LRP1B: variants seen among roughly 807,000 people sequenced by gnomAD.
LRP1B encodes LDL receptor related protein 1B, also known as low-density lipoprotein receptor-related protein 1B.
In LRP1B, 217 loss-of-function variants were observed where a neutral mutation model predicts 556.6. The observed-to-expected ratio is 0.39, with a 90% CI of 0.35 to 0.44. LRP1B has a LOEUF of 0.44. Ranked by LOEUF, LRP1B falls within the 20% of genes least tolerant of loss-of-function variation. LRP1B has a pLI of 1.00. For missense variants in LRP1B, 5,053 were observed against 5,620.8 expected (o/e 0.90, Z 3.23); for synonymous variants, 2,047 against 1,865.8 (o/e 1.10, Z -2.50).
intron 32 of LRP1B, among the ~76,000 whole-genome samples, chr2:140,808,734 G>A (rs1573746927): frequency 2.6e-5 from 4 of 152,294 alleles, no homozygotes; most frequent in Admixed American, 1.3e-4. Flanking sequence ...AATGGCAATA[G>A]ATATTTATTG....
chr2:140,761,399 C>G (rs1174280829), intron 35 of LRP1B, among the ~76,000 whole-genome samples: 1 of 152,182 alleles, frequency 6.6e-6, no homozygotes, highest in African/African-American at 2.4e-5. Context: ...GGTATTCACT[C>G]CTTCTCTAGT....
rs189933937 is a variant in LRP1B, at chr2:140,405,726, G to C, written c.10415-19717C>G. ...GTAATAAAATTGCCAACAGCAAAAA[G>C]CCCAGAACCAGATGGATTCACAGCT... On this transcript the variant is annotated intron_variant, in intron 66 of 90. Coordinates refer to ENST00000389484, the MANE Select transcript of LRP1B (RefSeq NM_018557.3). Among the ~76,000 whole-genome samples the C allele has an allele frequency of 2.3e-3, 352 of 152,208 alleles. 3 individuals are homozygous for C. Among genetic ancestry groups the C allele is most frequent in the African/African-American group, 8.1e-3 (336 of 41,540 alleles).
At chr2:141,273,192 C>G (rs1309626644) in intron 3 of LRP1B, among the ~76,000 whole-genome samples, 1 of 151,964 alleles carries the variant, frequency 6.6e-6, no homozygotes, top group Non-Finnish European at 1.5e-5. Context: ...GCCTGTACTC[C>G]CAGCTACTTG....
intron 41 of LRP1B, among the ~76,000 whole-genome samples, chr2:140,662,581 T>C (rs1159501462): frequency 6.6e-6 from 1 of 152,172 alleles, no homozygotes; most frequent in East Asian, 1.9e-4. Flanking sequence ...TTCCTGTTGA[T>C]ATTATTGAAA....
intron 54 of LRP1B, among the ~76,000 whole-genome samples, chr2:140,502,280 T>C (rs1388574881): frequency 6.6e-6 from 1 of 152,016 alleles, no homozygotes; most frequent in Non-Finnish European, 1.5e-5. Flanking sequence ...TAGATATTCC[T>C]AAATTCTTTT....
At chr2:141,371,090 T>C (rs886565277) in intron 3 of LRP1B, among the ~76,000 whole-genome samples, 2 of 152,130 alleles carry the variant, frequency 1.3e-5, no homozygotes, top group South Asian at 4.1e-4. Context: ...TTCAAGTGAT[T>C]CTCCTACCTC....
chr2:141,700,918 C>T (rs1191036846), intron 2 of LRP1B, among the ~76,000 whole-genome samples: 1 of 151,840 alleles, frequency 6.6e-6, no homozygotes, highest in African/African-American at 2.4e-5. Context: ...AAATTTCCTT[C>T]TGATGTCCCC....
chr2:141,890,381 TACA>T lies in LRP1B; in HGVS notation c.83-79983_83-79981del, dbSNP rs1558942915. The stretch of plus-strand genomic sequence containing the variant: ...TGTGCATATATATATATAGTGTGTA[TACA>T]TATATAGTGTATATATATATATATA... On this transcript the variant is annotated intron_variant, in intron 1 of 90. Transcript: ENST00000389484. Among the ~76,000 whole-genome samples the T allele has an allele frequency of 1.0e-3, 53 of 52,794 alleles. 2 individuals carry two copies. Among genetic ancestry groups the T allele is most frequent in the African/African-American group, 2.7e-3 (49 of 18,186 alleles). 34.6% of individuals were successfully genotyped at this position (52,794 alleles called of 152,430 possible). A position where few individuals can be genotyped will look rare whatever the true frequency, so the allele number is the denominator to read the frequency against.
intron 7 of LRP1B, among the ~76,000 whole-genome samples, chr2:141,074,840 C>A (rs140691894): frequency 1.1e-4 from 17 of 152,130 alleles, no homozygotes; most frequent in Non-Finnish European, 2.1e-4. Flanking sequence ...AATTACTAAT[C>A]ATAAATTATT....
At chr2:140,822,201 GAT>G (rs1691353628) in intron 31 of LRP1B, among the ~76,000 whole-genome samples, 2 of 152,122 alleles carry the variant, frequency 1.3e-5, no homozygotes, top group Admixed American at 1.3e-4. Context: ...AAAATCTTCT[GAT>G]ATGTAAACTG....
chr2:141,364,866 C>T (rs959587526), intron 3 of LRP1B, among the ~76,000 whole-genome samples: 3 of 151,820 alleles, frequency 2.0e-5, no homozygotes, highest in East Asian at 1.9e-4. Context: ...TGTATGCTTC[C>T]GAGTATAAAA....
chr2:141,925,904 A>G (rs761375809), intron 1 of LRP1B, among the ~76,000 whole-genome samples: 3 of 152,168 alleles, frequency 2.0e-5, no homozygotes, highest in Non-Finnish European at 4.4e-5. Context: ...AACATCTTCG[A>G]ATCTCAACTG....
At chr2:141,593,835 T>C (rs958693067) in intron 2 of LRP1B, among the ~76,000 whole-genome samples, 6 of 152,000 alleles carry the variant, frequency 3.9e-5, no homozygotes, top group African/African-American at 1.5e-4. Flanking sequence ...CAGCTAAATG[T>C]CTAGGCAGAT....
At chr2:141,336,033 T>G (rs1056284739) in intron 3 of LRP1B, among the ~76,000 whole-genome samples, 1 of 138,558 alleles carries the variant, frequency 7.2e-6, no homozygotes, top group African/African-American at 2.8e-5. Flanking sequence ...TCTCAGATAG[T>G]TCAAATCTAT....
rs71417162 is a variant in LRP1B at position 141,873,215 on chromosome 2, G to A, written c.83-62814C>T. 2.6e-5 allele frequency among the ~76,000 whole-genome samples: 4 copies of A among 151,944 alleles called. No homozygotes were observed. The South Asian group carries it at 8.3e-4, about 31-fold the overall frequency. On this transcript the variant is annotated intron_variant, in intron 1 of 90. Coordinates refer to ENST00000389484, the MANE Select transcript of LRP1B (RefSeq NM_018557.3). The stretch of plus-strand genomic sequence containing the variant: ...TTACACCTGTAATCCTAACACTTTG[G>A]AAGGCTGAGGCAGGAGACTTGCTTG...
At chr2:140,726,376 T>C (rs1242470195) in intron 35 of LRP1B, among the ~76,000 whole-genome samples, 1 of 152,206 alleles carries the variant, frequency 6.6e-6, no homozygotes, top group African/African-American at 2.4e-5. Flanking sequence ...TGTTATATTA[T>C]AGGCACCAGA....
chr2:141,352,796 T>TAGGAG (rs1688491584), intron 3 of LRP1B, among the ~76,000 whole-genome samples: 1 of 151,944 alleles, frequency 6.6e-6, no homozygotes, highest in Non-Finnish European at 1.5e-5. Flanking sequence ...TCATGATCTA[T>TAGGAG]AATTATTTTA....
At chr2:140,822,429 T>C (rs915822725) in intron 31 of LRP1B, among the ~76,000 whole-genome samples, 1 of 152,258 alleles carries the variant, frequency 6.6e-6, no homozygotes, top group Admixed American at 6.5e-5. Flanking sequence ...GATACACTTC[T>C]ATTTTAAGTA....
intron 7 of LRP1B, among the ~76,000 whole-genome samples, chr2:141,124,763 A>G (rs1470425031): frequency 1.3e-5 from 2 of 152,026 alleles, no homozygotes; most frequent in East Asian, 3.9e-4. Flanking sequence ...TCATATTTTG[A>G]AAAACATTTA....
Sources: gnomAD v4.1 joint callset for allele counts (sites outside exome capture counted in the v4.1 genomes callset) on GRCh38, gnomAD v4.1.1 for gene constraint, MANE v1.5 for transcripts, NCBI Gene and HGNC (gene_info 2026-07-23, HGNC 2026-07-21) for gene names.